The following APBB1IP variants were observed in gnomAD, a reference collection of about 807,000 sequenced individuals.
APBB1IP encodes the protein amyloid beta A4 precursor protein-binding family B member 1-interacting protein.
Under a neutral mutation model 64.9 loss-of-function variants are expected in APBB1IP, and 27 were observed. The observed-to-expected ratio is 0.42, with a 90% CI of 0.31 to 0.57. The LOEUF (loss-of-function observed/expected upper bound fraction) is 0.57, where lower values mean the gene tolerates loss of function less well. Ranked by LOEUF, APBB1IP falls within the 20% of genes least tolerant of loss-of-function variation. APBB1IP has a pLI of 0.20. For synonymous variants in APBB1IP, 392 were observed against 331.0 expected (o/e 1.18, Z -2.00); for missense variants, 812 against 845.5 (o/e 0.96, Z 0.49).
At chr10:26,562,583 T>C (rs560510830) in intron 14 of APBB1IP, among the ~76,000 whole-genome samples, 154 bp downstream of exon 14, 2 of 152,142 alleles carry the variant, frequency 1.3e-5, no homozygotes, top group East Asian at 3.9e-4. Flanking sequence ...GAGGATCACT[T>C]GAGCTTCAGT....
At chr10:26,552,927 G>T (rs935304791) in intron 11 of APBB1IP, among the ~76,000 whole-genome samples, 7 of 152,086 alleles carry the variant, frequency 4.6e-5, no homozygotes, top group African/African-American at 1.2e-4. Context: ...CCCCTCAGTG[G>T]TATCTGCCCC....
At chr10:26,485,764 A>G (rs1201380981) in intron 2 of APBB1IP, among the ~76,000 whole-genome samples, 1 of 152,240 alleles carries the variant, frequency 6.6e-6, no homozygotes, top group East Asian at 1.9e-4. Context: ...AGTGCAGTAG[A>G]TAGCAAATCT....
chr10:26,527,806 C>T (rs936344862), intron 8 of APBB1IP, among the ~76,000 whole-genome samples: 5 of 151,148 alleles, frequency 3.3e-5, no homozygotes, highest in Non-Finnish European at 5.9e-5. Context: ...GATTCTGCTG[C>T]CTCAGCCTCC....
chr10:26,500,098 C>A (rs1275651309), intron 4 of APBB1IP, among the ~76,000 whole-genome samples: 1 of 151,526 alleles, frequency 6.6e-6, no homozygotes, highest in Non-Finnish European at 1.5e-5. Flanking sequence ...GTAGTCCCAG[C>A]TGCTTGGGAG....
At chr10:26,445,488 T>C (rs529502213) in intron 2 of APBB1IP, among the ~76,000 whole-genome samples, 7 of 152,048 alleles carry the variant, frequency 4.6e-5, no homozygotes, top group Non-Finnish European at 8.8e-5. Flanking sequence ...TGGGCTCAAG[T>C]ATCCTCCCGC....
intron 8 of APBB1IP, among the ~76,000 whole-genome samples, chr10:26,521,430 G>A (rs1447158995): frequency 6.6e-6 from 1 of 152,242 alleles, no homozygotes; most frequent in African/African-American, 2.4e-5. Context: ...AGGGACTGGT[G>A]CAGGGGTTGG....
intron 2 of APBB1IP, among the ~76,000 whole-genome samples, chr10:26,478,609 C>T (rs61421031): frequency 0.1 from 12,969 of 125,882 alleles, 657 homozygotes; most frequent in Middle Eastern, 0.18. Flanking sequence ...AGCGAGACTC[C>T]GTCTCAAAAA....
intron 2 of APBB1IP, among the ~76,000 whole-genome samples, chr10:26,460,038 A>C (rs1835571639): frequency 6.6e-6 from 1 of 152,170 alleles, no homozygotes; most frequent in Admixed American, 6.6e-5. Context: ...TTGCTTGGAA[A>C]ATTTAATGAT....
At chr10:26,453,698 T>C (rs2132400562) in intron 2 of APBB1IP, among the ~76,000 whole-genome samples, 2 of 152,234 alleles carry the variant, frequency 1.3e-5, no homozygotes, top group Admixed American at 1.3e-4. Context: ...CAGTTGCCCC[T>C]GGCAGATACT....
rs1477448173 is a variant in APBB1IP, at chr10:26,567,662, G to A, written c.*174G>A. On this transcript the variant is annotated 3_prime_UTR_variant, in exon 15 of 15. Coordinates refer to ENST00000376236, the MANE Select transcript of APBB1IP (RefSeq NM_019043.4). ...TAACCCAGTAGAGTTCAGAATATCTGCCCAAATGTACATATCGTTCCCATG... is the reference window on the plus strand; with the variant it reads ...TAACCCAGTAGAGTTCAGAATATCTACCCAAATGTACATATCGTTCCCATG... 3 of 1,359,968 alleles carry A rather than the reference G, an allele frequency of 2.2e-6. No individual in the cohort carries two copies. Among genetic ancestry groups the A allele is most frequent in the Admixed American group, 5.2e-5 (2 of 38,662 alleles). 84.2% of individuals were successfully genotyped at this position (1,359,968 alleles called of 1,614,324 possible).
intron 2 of APBB1IP, among the ~76,000 whole-genome samples, chr10:26,440,777 T>G (rs142361575): frequency 3.0e-3 from 456 of 152,320 alleles, no homozygotes; most frequent in African/African-American, 0.01. Flanking sequence ...CAATCAAAGT[T>G]TTAAATAGTT....
At chr10:26,481,196 G>A (rs1835830820) in intron 2 of APBB1IP, among the ~76,000 whole-genome samples, 2 of 152,050 alleles carry the variant, frequency 1.3e-5, no homozygotes, top group Admixed American at 6.6e-5. Context: ...ATGGAAGTGG[G>A]GATGTTGGGT....
intron 8 of APBB1IP, among the ~76,000 whole-genome samples, chr10:26,524,960 T>C (rs1203730079): frequency 1.5e-5 from 2 of 134,034 alleles, no homozygotes; most frequent in Middle Eastern, 3.5e-3. Context: ...TCTTTCTTTT[T>C]TTTTTTTTTT....
At chr10:26,558,307 A>T (rs1836920285) in intron 11 of APBB1IP, among the ~76,000 whole-genome samples, 1 of 152,148 alleles carries the variant, frequency 6.6e-6, no homozygotes, top group Non-Finnish European at 1.5e-5. Flanking sequence ...GATGACGGTG[A>T]TTTCTAACTG....
chr10:26,446,915 T>C (rs1006319680), intron 2 of APBB1IP, among the ~76,000 whole-genome samples: 4 of 150,890 alleles, frequency 2.7e-5, no homozygotes, highest in African/African-American at 9.7e-5. Flanking sequence ...GTCCCTACCC[T>C]CAAGAAGCTT....
chr10:26,472,426 C>A (rs1200082316), intron 2 of APBB1IP, among the ~76,000 whole-genome samples: 1 of 152,104 alleles, frequency 6.6e-6, no homozygotes, highest in Non-Finnish European at 1.5e-5. Context: ...ATCTCTATTT[C>A]CCACCCACTT....
chr10:26,488,276 C>T (rs1187149150), intron 2 of APBB1IP, among the ~76,000 whole-genome samples: 1 of 151,348 alleles, frequency 6.6e-6, no homozygotes, highest in Non-Finnish European at 1.5e-5. Flanking sequence ...CGCTGTGTCA[C>T]CCAGGCTGGA....
At chr10:26,460,805 G>T (rs1399068811) in intron 2 of APBB1IP, among the ~76,000 whole-genome samples, 5 of 152,172 alleles carry the variant, frequency 3.3e-5, no homozygotes. Flanking sequence ...GGGTTGGATG[G>T]GGAGCGGGGA....
Position 26,567,036 on chromosome 10 carries a change from C to T in APBB1IP, c.1549C>T (p.Pro517Ser), listed in dbSNP as rs1290388836. ...CCCGCACGCCCCCAAGTCCAGCCTG[C>T]CCCCGCCCCCTCCGGTGCGGAGGTC... Reference protein sequence around the residue: ...RAPHAPKSSLPPPPPVRRSSD... With the variant: ...RAPHAPKSSLSPPPPVRRSSD... Residue 517 changes from proline to serine, a missense_variant, in exon 15 of 15, where the codon CCC becomes TCC. Pro to Ser is a moderately conservative substitution (Grantham distance 74). Around this residue, in one of 3 missense-constraint regions of APBB1IP, gnomAD observed 381 missense variants for 352.1 expected, o/e 1.08. Coordinates refer to ENST00000376236, the MANE Select transcript of APBB1IP (RefSeq NM_019043.4). 1.3e-6 allele frequency: 2 copies of T among 1,539,372 alleles called. No individual in the cohort carries two copies. Among genetic ancestry groups the T allele is most frequent in the African/African-American group, 1.4e-5 (1 of 69,986 alleles).
Sources: allele counts gnomAD v4.1 joint callset (sites outside exome capture counted in the v4.1 genomes callset), GRCh38; gene constraint gnomAD v4.1.1; regional missense constraint gnomAD v4.1.1; transcripts MANE v1.5; gene names NCBI Gene and HGNC (gene_info 2026-07-23, HGNC 2026-07-21).